NTRK3: variants seen among roughly 807,000 people sequenced by gnomAD.
NTRK3 encodes neurotrophic receptor tyrosine kinase 3, also known as NT-3 growth factor receptor.
In NTRK3, 24 loss-of-function variants were observed where a neutral mutation model predicts 91.7. The ratio of observed to expected loss-of-function variants is 0.26; its 90% CI spans 0.19 to 0.37. NTRK3 has a LOEUF of 0.37. Among genes scored for constraint, NTRK3 ranks in the 10% least tolerant of loss-of-function variants. NTRK3 has a pLI of 1.00. For synonymous variants in NTRK3, 483 were observed against 404.0 expected, an observed-to-expected ratio of 1.20 and a Z score of -2.34; for missense variants, 880 against 1,068.9, an observed-to-expected ratio of 0.82 and a Z score of 2.46.
intron 13 of NTRK3, among the ~76,000 whole-genome samples, chr15:88,041,684 C>T (rs1189522419): frequency 1.3e-5 from 2 of 152,310 alleles, no homozygotes; most frequent in South Asian, 4.1e-4. Context: ...CAAAATGCAG[C>T]ACCATTGTTT....
chr15:88,249,924 T>C (rs1372296804), intron 3 of NTRK3, among the ~76,000 whole-genome samples: 3 of 152,164 alleles, frequency 2.0e-5, no homozygotes, highest in Non-Finnish European at 4.4e-5. Flanking sequence ...CAGCCGCCCT[T>C]TGCAAGTCCC....
chr15:88,038,669 C>T (rs572865916), intron 13 of NTRK3, among the ~76,000 whole-genome samples: 2 of 152,124 alleles, frequency 1.3e-5, no homozygotes, highest in Non-Finnish European at 2.9e-5. Context: ...GTACCTTTTA[C>T]TTGATTTTGC....
chr15:88,091,313 T>C (rs1357742926), intron 13 of NTRK3, among the ~76,000 whole-genome samples: 3 of 152,232 alleles, frequency 2.0e-5, no homozygotes, highest in East Asian at 1.9e-4. Context: ...ATGTATGTCA[T>C]GTCAAAGGTC....
intron 14 of NTRK3, among the ~76,000 whole-genome samples, chr15:88,027,936 A>AAGGG (rs1415342483): frequency 3.3e-5 from 5 of 152,316 alleles, no homozygotes; most frequent in African/African-American, 1.2e-4. Context: ...GGAAGGAAGG[A>AAGGG]AAGGTCCCAT....
intron 3 of NTRK3, among the ~76,000 whole-genome samples, chr15:88,206,739 T>A (rs886977218): frequency 6.6e-6 from 1 of 150,406 alleles, no homozygotes; most frequent in Non-Finnish European, 1.5e-5. Context: ...CTCCTTACAG[T>A]GGCCAGGCGG....
intron 14 of NTRK3, among the ~76,000 whole-genome samples, chr15:87,950,358 C>G (rs997414343): frequency 6.6e-6 from 1 of 152,186 alleles, no homozygotes; most frequent in Non-Finnish European, 1.5e-5. Flanking sequence ...CTACCTACAA[C>G]CATGGGTCCA....
intron 3 of NTRK3, among the ~76,000 whole-genome samples, chr15:88,202,127 A>C (rs1183071118): frequency 2.0e-5 from 3 of 152,128 alleles, no homozygotes; most frequent in Non-Finnish European, 4.4e-5. Flanking sequence ...CCAGCTGACT[A>C]CTGCTGGCCA....
intron 14 of NTRK3, among the ~76,000 whole-genome samples, chr15:88,020,379 G>T (rs148337262): frequency 8.5e-4 from 130 of 152,242 alleles, no homozygotes; most frequent in African/African-American, 3.1e-3. Context: ...ACTCCTAAGA[G>T]CATCTTCATA....
chr15:88,163,868 G>A (rs1272535311), intron 5 of NTRK3, among the ~76,000 whole-genome samples: 1 of 152,154 alleles, frequency 6.6e-6, no homozygotes, highest in Non-Finnish European at 1.5e-5. Flanking sequence ...TTTGGACAAT[G>A]TGTTATTTAC....
At chr15:88,162,003 AAAGATGGGG>A in intron 5 of NTRK3, among the ~76,000 whole-genome samples, 1 of 152,326 alleles carries the variant, frequency 6.6e-6, no homozygotes, top group East Asian at 1.9e-4. Flanking sequence ...CACAATAAAG[AAAGATGGGG>A]AAGACAGAGC....
intron 13 of NTRK3, among the ~76,000 whole-genome samples, chr15:88,043,782 G>A (rs1164903698): frequency 5.9e-5 from 9 of 152,204 alleles, no homozygotes; most frequent in South Asian, 2.1e-4. Context: ...GAGAAAGAGA[G>A]AGAGAACTGA....
chr15:88,178,854 G>A (rs753632458), intron 5 of NTRK3, among the ~76,000 whole-genome samples: 2 of 152,152 alleles, frequency 1.3e-5, no homozygotes, highest in Non-Finnish European at 2.9e-5. Flanking sequence ...AATCCCCAGG[G>A]GGAAAGAGCA....
At chr15:87,890,974 T>C (rs1044958951) in intron 17 of NTRK3, among the ~76,000 whole-genome samples, 7 of 152,234 alleles carry the variant, frequency 4.6e-5, no homozygotes, top group Non-Finnish European at 1.0e-4. Context: ...TGACTTCTTA[T>C]TGATTTTTCT....
rs1271489295 is a variant in NTRK3 at position 87,874,485 on chromosome 15, T to G, written c.*2450A>C. 3.4e-5 allele frequency: 8 copies of G among 231,938 alleles called. No individual in the cohort carries two copies. The South Asian group carries it at 1.4e-3, about 42-fold the overall frequency. 14.4% of individuals were successfully genotyped at this position (231,938 alleles called of 1,614,324 possible). A position where few individuals can be genotyped will look rare whatever the true frequency, so the allele number is the denominator to read the frequency against. On this transcript the variant is annotated 3_prime_UTR_variant, in exon 19 of 19. Coordinates refer to ENST00000394480, the Ensembl canonical transcript of NTRK3. ...AATCAGTGCCCTGAAGATAAAACCATAGCATGGTCCTTATTCCCAGTTTTC... is the reference window on the plus strand; with the variant it reads ...AATCAGTGCCCTGAAGATAAAACCAGAGCATGGTCCTTATTCCCAGTTTTC...
At chr15:88,174,863 T>C (rs1181016161) in intron 5 of NTRK3, among the ~76,000 whole-genome samples, 2 of 152,250 alleles carry the variant, frequency 1.3e-5, no homozygotes, top group African/African-American at 4.8e-5. Context: ...CCCTGGAGAA[T>C]GTCAGCCGTT....
rs192663102 is a variant in NTRK3 at position 88,144,047 on chromosome 15, T to C, written c.464+3288A>G. 19 of 152,356 alleles carry C rather than the reference T, an allele frequency of 1.2e-4. No individual in the cohort carries two copies. In the East Asian group the frequency reaches 3.7e-3, roughly 29 times the overall value. The allele number at this position is 152,356 out of a possible 1,614,324, so 9.4% of individuals were successfully genotyped here. On this transcript the variant is annotated intron_variant, in intron 6 of 18. Transcript: ENST00000394480. ...CTCTTCCCATTGCCTAAATTGTATC[T>C]TGAGATTCAGAATCTAAGCTTCTTT...
chr15:87,986,995 G>C (rs778408397), intron 14 of NTRK3, among the ~76,000 whole-genome samples: 6 of 152,226 alleles, frequency 3.9e-5, no homozygotes, highest in Non-Finnish European at 8.8e-5. Flanking sequence ...GTGATAGTTT[G>C]CTGACCTCTA....
chr15:88,105,409 G>A (rs2150919223), intron 13 of NTRK3, among the ~76,000 whole-genome samples: 1 of 152,292 alleles, frequency 6.6e-6, no homozygotes, highest in East Asian at 1.9e-4. Flanking sequence ...TAGCAATGAG[G>A]TGTTCCAATC....
In NTRK3 at chr15:87,933,466, G is replaced by A. The variant is rs749621129; in HGVS notation, c.1717-282C>T. On this transcript the variant is annotated intron_variant, in intron 15 of 18. Transcript: ENST00000394480. Reference sequence around the variant, plus strand: ...GTTCTTCACAGAGCCCTGGGCTTCCGCAGGTGAGTGTACATGGCAGCTGGA... The same window carrying A: ...GTTCTTCACAGAGCCCTGGGCTTCCACAGGTGAGTGTACATGGCAGCTGGA... Among the ~76,000 whole-genome samples the A allele has an allele frequency of 4.6e-5, 7 of 152,208 alleles. No individual in the cohort carries two copies. In the South Asian group the frequency reaches 6.2e-4, roughly 13 times the overall value.
Sources: allele counts gnomAD v4.1 joint callset (sites outside exome capture counted in the v4.1 genomes callset), GRCh38; gene constraint gnomAD v4.1.1; transcripts MANE v1.5; gene names NCBI Gene and HGNC (gene_info 2026-07-23, HGNC 2026-07-21).